Variants in NCOR1 observed in about 807,000 individuals in gnomAD.
NCOR1 encodes nuclear receptor corepressor 1.
Under a neutral mutation model 288.1 loss-of-function variants are expected in NCOR1, and 63 were observed. That is an observed-to-expected ratio of 0.22 (90% confidence interval 0.18 to 0.27). NCOR1 has a LOEUF of 0.27. Among genes scored for constraint, NCOR1 ranks in the 10% least tolerant of loss-of-function variants. The pLI is 1.00. For missense variants in NCOR1, 2,397 were observed against 3,019.2 expected (o/e 0.79, Z 4.83); for synonymous variants, 1,007 against 1,065.9 (o/e 0.94, Z 1.08).
Position 16,061,988 on chromosome 17 carries a change from A to C in NCOR1, c.5388-94T>G, listed in dbSNP as rs538929933. On this transcript the variant is annotated intron_variant, in intron 36 of 45. Coordinates refer to ENST00000268712, the MANE Select transcript of NCOR1 (RefSeq NM_006311.4). ...GAAGGACAAACTGCAACAACAACAAAAAAAGCCTTCATGGCATGGGCAGAA... is the reference window on the plus strand; with the variant it reads ...GAAGGACAAACTGCAACAACAACAACAAAAGCCTTCATGGCATGGGCAGAA... 170 of 1,567,686 alleles carry C rather than the reference A, an allele frequency of 1.1e-4. 2 individuals carry two copies. The South Asian group carries it at 1.7e-3, about 16-fold the overall frequency.
intron 44 of NCOR1, 102 bp from the exon 45 acceptor site, chr17:16,035,046 T>C: frequency 9.1e-7 from 1 of 1,093,580 alleles, no homozygotes; most frequent in Admixed American, 2.4e-5. Context: ...AGCAGAATGG[T>C]AACATGAAGA....
At chr17:16,131,136 T>C (rs193237599) in intron 14 of NCOR1, among the ~76,000 whole-genome samples, 5 of 151,828 alleles carry the variant, frequency 3.3e-5, no homozygotes, top group Admixed American at 2.0e-4. Flanking sequence ...TACACTACAG[T>C]GCACGCCACT....
intron 6 of NCOR1, among the ~76,000 whole-genome samples, chr17:16,158,094 C>T (rs980979570): frequency 8.5e-5 from 13 of 152,228 alleles, no homozygotes; most frequent in African/African-American, 3.1e-4. Flanking sequence ...CTGCCTCAGC[C>T]TCTCGAGTAG....
intron 3 of NCOR1, among the ~76,000 whole-genome samples, chr17:16,180,455 C>CA (rs1362385295): frequency 6.6e-6 from 1 of 152,148 alleles, no homozygotes; most frequent in East Asian, 1.9e-4. Flanking sequence ...ATCACCACCT[C>CA]ATAAAGATAT....
At chr17:16,075,056 G>C (rs1430461298) in intron 27 of NCOR1, among the ~76,000 whole-genome samples, 1 of 152,072 alleles carries the variant, frequency 6.6e-6, no homozygotes, top group Non-Finnish European at 1.5e-5. Flanking sequence ...TTTTAGTAGA[G>C]ACAGGGTTTC....
At chr17:16,088,125 A>T (rs905110924) in intron 22 of NCOR1, among the ~76,000 whole-genome samples, 7 of 152,144 alleles carry the variant, frequency 4.6e-5, no homozygotes, top group African/African-American at 1.7e-4. Context: ...TATTTTCATT[A>T]CCTAGTTGTA....
chr17:16,081,169 C>CT (rs1276395100), intron 23 of NCOR1, among the ~76,000 whole-genome samples: 8 of 147,832 alleles, frequency 5.4e-5, no homozygotes, highest in South Asian at 2.1e-4. Flanking sequence ...AAGAATCAAC[C>CT]TTTTTTTTTC....
chr17:16,041,989 C>T (rs1321909450), intron 42 of NCOR1, among the ~76,000 whole-genome samples: 1 of 152,156 alleles, frequency 6.6e-6, no homozygotes, highest in Non-Finnish European at 1.5e-5. Flanking sequence ...CCGCCTCGGC[C>T]TCCCAAAGTG....
At chr17:16,105,875 G>T (rs553588015) in intron 19 of NCOR1, among the ~76,000 whole-genome samples, 3 of 152,136 alleles carry the variant, frequency 2.0e-5, no homozygotes, top group African/African-American at 4.8e-5. Context: ...CAAGGCAGGC[G>T]GAACACCTGA....
chr17:16,182,688 G>A (rs890259564), intron 3 of NCOR1, among the ~76,000 whole-genome samples: 9 of 152,122 alleles, frequency 5.9e-5, no homozygotes, highest in Non-Finnish European at 1.0e-4. Context: ...TCCTGACCTC[G>A]TGATCCGTCC....
intron 5 of NCOR1, 55 bp downstream of exon 5, chr17:16,164,920 ATATC>A: frequency 1.6e-6 from 2 of 1,234,090 alleles, no homozygotes; most frequent in East Asian, 5.2e-5. Context: ...AAACTCAAAA[ATATC>A]TACTGTAGGG....
At chr17:16,043,415 AT>A (rs2058093125) in intron 42 of NCOR1, among the ~76,000 whole-genome samples, 1 of 152,186 alleles carries the variant, frequency 6.6e-6, no homozygotes, top group Non-Finnish European at 1.5e-5. Context: ...TAAAAAAAAA[AT>A]CCCAGACTCT....
In NCOR1 at chr17:16,199,214, A is replaced by ACACACACAC. The variant is rs1555813515; in HGVS notation, c.-70-4576_-70-4575insGTGTGTGTG. The stretch of plus-strand genomic sequence containing the variant: ...CGCCCAATACAGAAGGAAAAAAAAA[A>ACACACACAC]AAACACACACACACACACACACACA... On this transcript the variant is annotated intron_variant, in intron 1 of 45. Coordinates refer to ENST00000268712, the MANE Select transcript of NCOR1 (RefSeq NM_006311.4). Among the ~76,000 whole-genome samples, 235 of 111,770 alleles carry ACACACACAC rather than the reference A, an allele frequency of 2.1e-3. 1 individual carries two copies. Among genetic ancestry groups the ACACACACAC allele is most frequent in the African/African-American group, 7.4e-3 (216 of 29,158 alleles). 73.3% of individuals were successfully genotyped at this position (111,770 alleles called of 152,430 possible).
At chr17:16,108,660 G>C (rs2069316869) in intron 19 of NCOR1, 126 bp downstream of exon 19, 2 of 674,482 alleles carry the variant, frequency 3.0e-6, no homozygotes, top group Middle Eastern at 4.5e-4. Context: ...CAAGTTTGAA[G>C]TCTCCACACC....
intron 4 of NCOR1, among the ~76,000 whole-genome samples, chr17:16,168,705 T>G (rs1485047792): frequency 1.3e-5 from 2 of 152,014 alleles, no homozygotes; most frequent in Admixed American, 6.6e-5. Context: ...CTGCAGTGGC[T>G]CACGCCTATA....
chr17:16,154,372 C>T (rs1268870780), intron 6 of NCOR1, among the ~76,000 whole-genome samples: 3 of 152,134 alleles, frequency 2.0e-5, no homozygotes, highest in African/African-American at 7.2e-5. Context: ...AACATATGTT[C>T]GGTATGTTCT....
intron 9 of NCOR1, among the ~76,000 whole-genome samples, chr17:16,148,546 C>T (rs761035705): frequency 2.4e-4 from 36 of 151,074 alleles, no homozygotes; most frequent in Non-Finnish European, 4.6e-4. Flanking sequence ...ACAAACCTTA[C>T]AGTGTTTGCA....
chr17:16,062,063 T>C (rs1598049647), intron 36 of NCOR1, 42 bp downstream of exon 36: 1 of 1,605,252 alleles, frequency 6.2e-7, no homozygotes, highest in Non-Finnish European at 8.5e-7. Flanking sequence ...AAAATGTATA[T>C]GCAAGAGACA....
chr17:16,152,986 G>A (rs529960455), intron 7 of NCOR1, among the ~76,000 whole-genome samples: 56 of 152,226 alleles, frequency 3.7e-4, no homozygotes, highest in South Asian at 8.3e-4. Context: ...TTTATGCACA[G>A]ATTTTTAATT....
Sources: gnomAD v4.1 joint callset for allele counts (sites outside exome capture counted in the v4.1 genomes callset) on GRCh38, gnomAD v4.1.1 for gene constraint, MANE v1.5 for transcripts, NCBI Gene and HGNC (gene_info 2026-07-23, HGNC 2026-07-21) for gene names.